The following ARHGEF2 variants were observed in gnomAD, a reference collection of about 807,000 sequenced individuals.
ARHGEF2 encodes the protein rho guanine nucleotide exchange factor 2.
A neutral mutation model predicts 121.0 loss-of-function variants in ARHGEF2; 22 were observed. That is an observed-to-expected ratio of 0.18 (90% CI 0.13 to 0.26). The LOEUF is 0.26. Among genes scored for constraint, ARHGEF2 ranks in the 10% least tolerant of loss-of-function variants. ARHGEF2 has a pLI of 1.00. For synonymous variants in ARHGEF2, 487 were observed against 530.0 expected, an observed-to-expected ratio of 0.92 and a Z score of 1.11; for missense variants, 907 against 1,336.0, an observed-to-expected ratio of 0.68 and a Z score of 5.01.
intron 13 of ARHGEF2, among the ~76,000 whole-genome samples, chr1:155,957,194 CT>C (rs1676871319): frequency 6.6e-6 from 1 of 152,088 alleles, no homozygotes; most frequent in Non-Finnish European, 1.5e-5. Context: ...AGTTGACTGC[CT>C]CAAATCTAAT....
intron 11 of ARHGEF2, among the ~76,000 whole-genome samples, chr1:155,959,914 A>C (rs941233174): frequency 6.6e-6 from 1 of 152,174 alleles, no homozygotes; most frequent in African/African-American, 2.4e-5. Context: ...CTTTACGGCT[A>C]TCTGACCTAA....
Position 155,978,198 on chromosome 1 carries a change from ACTCGCTCGCAGTCCC to A in ARHGEF2, c.63+152_63+166del. 1.6e-6 allele frequency: 2 copies of A among 1,267,408 alleles called. No homozygotes were observed. The highest frequency in any genetic ancestry group is 1.6e-5 in the African/African-American group (1 of 62,752). The allele number at this position is 1,267,408 out of a possible 1,614,324, so 78.5% of individuals were successfully genotyped here. Reference sequence around the variant, plus strand: ...TCTGCCGCTCCCCCCACCCCTACCCACTCGCTCGCAGTCCCCACCCACCCCGTCCCGCCGCTCGCC... The same window carrying A: ...TCTGCCGCTCCCCCCACCCCTACCCACACCCACCCCGTCCCGCCGCTCGCC... On this transcript the variant is annotated intron_variant, in intron 1 of 21. Transcript: ENST00000361247. The surrounding 1 kb of genome is among the most constrained non-coding windows in gnomAD (Gnocchi z 4.1).
In ARHGEF2 at chr1:155,947,943, T is replaced by C. The variant is rs1163911990; in HGVS notation, c.2960A>G (p.Ter987=). The change falls in exon 22 of 22, where the codon TAA becomes TGA. Residue 987 remains the stop codon, a stop_retained_variant. Coordinates refer to ENST00000361247, the MANE Select transcript of ARHGEF2 (RefSeq NM_001162383.2). ...ACGGGGCAGGGGGGAGGGGCCCCCTTAGCTCTCGGAGGCTACAGCCTCCCC... is the reference window on the plus strand; with the variant it reads ...ACGGGGCAGGGGGGAGGGGCCCCCTCAGCTCTCGGAGGCTACAGCCTCCCC... ...RDGEAVASES[*] is the part of the protein sequence containing the mutation. 6.1e-5 allele frequency: 94 copies of C among 1,549,636 alleles called. No individual in the cohort carries two copies. Among genetic ancestry groups the C allele is most frequent in the Non-Finnish European group, 7.8e-5 (89 of 1,145,958 alleles).
At chr1:155,964,916 G>C in intron 7 of ARHGEF2, 72 bp downstream of exon 7, 1 of 1,336,078 alleles carries the variant, frequency 7.5e-7, no homozygotes, top group Non-Finnish European at 1.0e-6. Context: ...AAAAGAAAAA[G>C]AAAAATAAAG....
chr1:155,950,389 G>A lies in ARHGEF2; in HGVS notation c.2797C>T (p.Pro933Ser). The change falls in exon 21 of 22, where the codon CCC (proline) becomes TCC (serine). Residue 933 changes from proline (P) to serine (S), a missense_variant. By Grantham distance (74) the Pro-to-Ser change is moderately conservative (BLOSUM62 -1). Coordinates refer to ENST00000361247, the MANE Select transcript of ARHGEF2 (RefSeq NM_001162383.2). This position sits in a 1 kb window ranked among gnomAD's most constrained non-coding sequence, Gnocchi z 5.2. Reference protein sequence around the residue: ...EDRERQELGSPEERLQDSSDP... With the variant: ...EDRERQELGSSEERLQDSSDP... ...CTGCTGTCTTGCAGCCGCTCTTCGGGGCTCCCCAGTTCCTGCCTCTCTCGG... is the reference window on the plus strand; with the variant it reads ...CTGCTGTCTTGCAGCCGCTCTTCGGAGCTCCCCAGTTCCTGCCTCTCTCGG... The A allele has an allele frequency of 6.2e-7, 1 of 1,614,072 alleles. No homozygotes were observed. The highest frequency in any genetic ancestry group is 8.5e-7 in the Non-Finnish European group (1 of 1,180,038).
intron 7 of ARHGEF2, 122 bp from the exon 8 acceptor site, chr1:155,963,305 C>A: frequency 1.2e-6 from 1 of 836,764 alleles, no homozygotes; most frequent in Non-Finnish European, 1.8e-6. Flanking sequence ...TAATATTCTG[C>A]ATTATTATGA....
chr1:155,966,503 A>C (rs1679401821), intron 3 of ARHGEF2, 24 bp from the exon 4 acceptor site: 1 of 1,613,762 alleles, frequency 6.2e-7, no homozygotes, highest in Non-Finnish European at 8.5e-7. Flanking sequence ...AGCAGGAGAG[A>C]GATACCAAGA....
At chr1:155,964,175 T>A (rs1305393087) in intron 7 of ARHGEF2, among the ~76,000 whole-genome samples, 38 of 62,190 alleles carry the variant, frequency 6.1e-4, no homozygotes, top group African/African-American at 2.4e-3. Context: ...AAAATATATA[T>A]ATATATATAT....
At chr1:155,978,893 TCCCTC>T, upstream of ARHGEF2, 1 of 986,798 alleles carries the variant, frequency 1.0e-6, no homozygotes, top group Non-Finnish European at 1.2e-6. The surrounding 1 kb of genome is among the most constrained non-coding windows in gnomAD (Gnocchi z 4.1). Flanking sequence ...CCTCCCTTTT[TCCCTC>T]CCCTACTGCG....
chr1:155,950,139 G>C lies in ARHGEF2; in HGVS notation c.2887+160C>G. On this transcript the variant is annotated intron_variant, in intron 21 of 21. Coordinates refer to ENST00000361247, the MANE Select transcript of ARHGEF2 (RefSeq NM_001162383.2). The surrounding 1 kb of genome is among the most constrained non-coding windows in gnomAD (Gnocchi z 5.2). ...GGAGAGAGGCCCCTCCTGCTTCCTAGACTTCCACCACCCATTCATCATCAG... is the reference window on the plus strand; with the variant it reads ...GGAGAGAGGCCCCTCCTGCTTCCTACACTTCCACCACCCATTCATCATCAG... The C allele has an allele frequency of 1.2e-6, 1 of 858,690 alleles. No individual in the cohort carries two copies. Among genetic ancestry groups the C allele is most frequent in the Non-Finnish European group, 1.8e-6 (1 of 557,260 alleles). The allele number at this position is 858,690 out of a possible 1,614,324, so 53.2% of individuals were successfully genotyped here.
intron 2 of ARHGEF2, 194 bp downstream of exon 2, chr1:155,968,962 C>T (rs1300935891): frequency 1.2e-5 from 8 of 644,214 alleles, no homozygotes; most frequent in Non-Finnish European, 2.1e-5. Context: ...CCGGCTTATG[C>T]CATATTCCAA....
chr1:155,947,357 C>T lies in ARHGEF2; in HGVS notation c.*585G>A, dbSNP rs1212613560. 3 of 456,566 alleles carry T rather than the reference C, an allele frequency of 6.6e-6. No individual in the cohort carries two copies. The Admixed American group carries it at 7.0e-5, about 11-fold the overall frequency. The allele number at this position is 456,566 out of a possible 1,614,324, so 28.3% of individuals were successfully genotyped here. A position where few individuals can be genotyped will look rare whatever the true frequency, so the allele number is the denominator to read the frequency against. On this transcript the variant is annotated 3_prime_UTR_variant, in exon 22 of 22. Coordinates refer to ENST00000361247, the MANE Select transcript of ARHGEF2 (RefSeq NM_001162383.2). ...CCTTTATTCCATCAACTCCAGGAAG[C>T]CAGGTTATCTCCCAGGGCTTCCATG...
intron 7 of ARHGEF2, among the ~76,000 whole-genome samples, chr1:155,964,183 TATATATATATATATAC>T (rs1198920178): frequency 1.2e-4 from 15 of 122,406 alleles, no homozygotes; most frequent in African/African-American, 2.0e-4. Context: ...TATATATATA[TATATATATATATATAC>T]ATATATATAT....
chr1:155,952,207 C>A lies in ARHGEF2; in HGVS notation c.2013G>T (p.Gly671=). Residue 671 remains glycine, a synonymous_variant, in exon 16 of 22, where the codon GGG becomes GGT. Coordinates refer to ENST00000361247, the MANE Select transcript of ARHGEF2 (RefSeq NM_001162383.2). ...EVEGLKDLLV[G]PGVELLLTPR... ...GTGTCAAGAGCAGTTCCACTCCTGG[C>A]CCCACCAGCAGGTCTTTCAGACCCT... 6.2e-7 allele frequency: 1 copy of A among 1,614,186 alleles called. No homozygotes were observed. The highest frequency in any genetic ancestry group is 8.5e-7 in the Non-Finnish European group (1 of 1,180,022).
intron 1 of ARHGEF2, among the ~76,000 whole-genome samples, chr1:155,971,225 GA>G (rs1680391893): frequency 6.6e-6 from 1 of 152,080 alleles, no homozygotes; most frequent in African/African-American, 2.4e-5. Context: ...CGGACCACTA[GA>G]AAATGCTCCC....
In ARHGEF2 at chr1:155,961,913, G is replaced by A. The variant is rs1678013039; in HGVS notation, c.1220-4C>T. ...TCCTGGCGCTCCTCCTCGATCCCTGGCACCGGGGGTTGGCATGGGGAACGG... is the reference window on the plus strand; with the variant it reads ...TCCTGGCGCTCCTCCTCGATCCCTGACACCGGGGGTTGGCATGGGGAACGG... On this transcript the variant is annotated splice_polypyrimidine_tract_variant and splice_region_variant and intron_variant, in intron 10 of 21. Transcript: ENST00000361247. This position sits in a 1 kb window ranked among gnomAD's most constrained non-coding sequence, Gnocchi z 4.7. 1.5e-5 allele frequency: 24 copies of A among 1,613,520 alleles called. No homozygotes were observed. Among genetic ancestry groups the A allele is most frequent in the Non-Finnish European group, 2.0e-5 (24 of 1,179,566 alleles).
intron 13 of ARHGEF2, among the ~76,000 whole-genome samples, chr1:155,956,191 C>T (rs534149481): frequency 2.0e-5 from 3 of 152,064 alleles, no homozygotes; most frequent in African/African-American, 7.2e-5. Flanking sequence ...CCTCCACCCC[C>T]GGGTTCAAGC....
chr1:155,950,839 T>C lies in ARHGEF2; in HGVS notation c.2693A>G (p.Asn898Ser), dbSNP rs1239407876. Residue 898 changes from asparagine (N) to serine (S), a missense_variant, in exon 20 of 22, where the codon AAC (asparagine) becomes AGC (serine). Asn to Ser is a conservative substitution (Grantham distance 46). Around this residue, in one of 2 missense-constraint regions of ARHGEF2, gnomAD observed 432 missense variants for 559.5 expected, o/e 0.77. Transcript: ENST00000361247. The surrounding 1 kb of genome is among the most constrained non-coding windows in gnomAD (Gnocchi z 5.2). ...TGCAGGCCACCTTACCTGTGGGGGG[T>C]TGAAACTCAAGTACAGGGCATCGCC... ...PAGDALYLSF[N>S]PPQPSRGTDR... 1 of 1,523,016 alleles carries C rather than the reference T, an allele frequency of 6.6e-7. No homozygotes were observed. The allele number at this position is 1,523,016 out of a possible 1,614,324, so 94.3% of individuals were successfully genotyped here.
In ARHGEF2 at chr1:155,950,577, G is replaced by T; in HGVS notation, c.2704-95C>A. 2 of 1,348,672 alleles carry T rather than the reference G, an allele frequency of 1.5e-6. No homozygotes were observed. The highest frequency in any genetic ancestry group is 1.0e-6 in the Non-Finnish European group (1 of 963,812). 83.5% of individuals were successfully genotyped at this position (1,348,672 alleles called of 1,614,324 possible). ...GCTGAAGGCAGCAGCTCTCCCCCCT[G>T]GGGCTCACCCATGAGTCCCCTTCAG... On this transcript the variant is annotated intron_variant, in intron 20 of 21. Transcript: ENST00000361247. The surrounding 1 kb of genome is among the most constrained non-coding windows in gnomAD (Gnocchi z 5.2).
Sources: allele counts gnomAD v4.1 joint callset (sites outside exome capture counted in the v4.1 genomes callset), GRCh38; gene constraint gnomAD v4.1.1; regional missense constraint gnomAD v4.1.1; non-coding constraint Gnocchi (gnomAD v3.1); transcripts MANE v1.5; gene names NCBI Gene and HGNC (gene_info 2026-07-23, HGNC 2026-07-21).